BCAT1: variants seen among roughly 807,000 people sequenced by gnomAD.
BCAT1 encodes branched-chain-amino-acid aminotransferase, cytosolic.
A neutral mutation model predicts 52.4 loss-of-function variants in BCAT1; 48 were observed. The observed-to-expected ratio is 0.92, with a 90% CI of 0.73 to 1.16. BCAT1 has a LOEUF of 1.16. Among genes scored for constraint, BCAT1 ranks in the 50% most tolerant of loss-of-function variants. The pLI is 0.00. For missense variants in BCAT1, 451 were observed against 457.1 expected (o/e 0.99, Z 0.12); for synonymous variants, 167 against 161.3 (o/e 1.04, Z -0.27).
intron 5 of BCAT1, among the ~76,000 whole-genome samples, chr12:24,861,326 G>C (rs904546477): frequency 6.6e-6 from 1 of 152,162 alleles, no homozygotes; most frequent in African/African-American, 2.4e-5. Flanking sequence ...CAACTGCCTA[G>C]TTCATGGAAA....
chr12:24,858,369 G>C (rs111500471), intron 5 of BCAT1, among the ~76,000 whole-genome samples: 2 of 151,970 alleles, frequency 1.3e-5, no homozygotes, highest in Admixed American at 6.5e-5. Context: ...ATAATCTTTG[G>C]GAAATAAAGA....
In BCAT1 at chr12:24,837,137, GAAGGAAGGA is replaced by G; in HGVS notation, c.818-550_818-542del. ...AGAAGGAAGGGAGGAAGGGGGGAGG[GAAGGAAGGA>G]AAGTTATCTAATCATCTTCAGTTTA... On this transcript the variant is annotated intron_variant, in intron 7 of 10. Transcript: ENST00000261192. 3.4e-5 allele frequency among the ~76,000 whole-genome samples: 5 copies of G among 145,640 alleles called. 1 individual carries two copies. The highest frequency in any genetic ancestry group is 2.3e-4 in the South Asian group (1 of 4,384).
upstream of BCAT1, chr12:24,949,235 A>C (rs1943985782): frequency 4.1e-6 from 2 of 486,364 alleles, no homozygotes; most frequent in Non-Finnish European, 7.3e-6. Context: ...CAGCGCCCAG[A>C]CCCGAGCCTC....
intron 1 of BCAT1, chr12:24,902,933 C>T (rs1480892307): frequency 6.6e-7 from 1 of 1,511,070 alleles, no homozygotes; most frequent in African/African-American, 1.4e-5. Context: ...CGCAAACGCC[C>T]GGGTTCGAGG....
chr12:24,928,811 C>T (rs943081278), intron 1 of BCAT1, among the ~76,000 whole-genome samples: 2 of 152,010 alleles, frequency 1.3e-5, no homozygotes, highest in African/African-American at 2.4e-5. Flanking sequence ...TCTCAGCTCA[C>T]CACAACCTCT....
rs544053312 is a variant in BCAT1, at chr12:24,895,409, G to A, written c.79-934C>T. Among the ~76,000 whole-genome samples, 391 of 151,866 alleles carry A rather than the reference G, an allele frequency of 2.6e-3. 1 individual carries two copies. Among genetic ancestry groups the A allele is most frequent in the African/African-American group, 9.1e-3 (376 of 41,430 alleles). On this transcript the variant is annotated intron_variant, in intron 2 of 10. Transcript: ENST00000261192. ...GGCGTGGTGGCATGCACCTGTAGTC[G>A]CAGCTACTCAGGAGGCTGAGGCAGG... is the stretch of plus-strand genomic sequence containing the variant.
intron 10 of BCAT1, among the ~76,000 whole-genome samples, chr12:24,825,847 T>G (rs1940373573): frequency 6.6e-6 from 1 of 152,206 alleles, no homozygotes; most frequent in South Asian, 2.1e-4. Flanking sequence ...GTGGAGAAGC[T>G]TTCCAGCTTG....
chr12:24,872,305 A>G (rs973778480), intron 5 of BCAT1, among the ~76,000 whole-genome samples: 20 of 152,200 alleles, frequency 1.3e-4, no homozygotes, highest in African/African-American at 4.6e-4. Context: ...ACCAGAAATG[A>G]AGGAGTGAAT....
At chr12:24,909,621 G>A (rs75479332) in intron 1 of BCAT1, among the ~76,000 whole-genome samples, 8,955 of 152,190 alleles carry the variant, frequency 0.059, 310 homozygotes, top group African/African-American at 0.082. Context: ...TAACCCAGGT[G>A]TTTCTTGGCT....
At chr12:24,864,020 A>G (rs1203555581) in intron 5 of BCAT1, among the ~76,000 whole-genome samples, 2 of 151,770 alleles carry the variant, frequency 1.3e-5, no homozygotes, top group Non-Finnish European at 2.9e-5. Flanking sequence ...GCCTGTTTTT[A>G]TTGCTTTTAT....
At position 24,894,127 on chromosome 12, in the gene BCAT1, T is replaced by C. The variant is rs895743187; in HGVS notation, c.279+148A>G. On this transcript the variant is annotated intron_variant, in intron 3 of 10. Coordinates refer to ENST00000261192, the MANE Select transcript of BCAT1 (RefSeq NM_005504.7). ...AAGATTTATCTTCAATCCAACTGTCTATAGGAAAACTTTTAAAGACATTTT... is the reference window on the plus strand; with the variant it reads ...AAGATTTATCTTCAATCCAACTGTCCATAGGAAAACTTTTAAAGACATTTT... 4.4e-6 allele frequency: 3 copies of C among 677,800 alleles called. No individual in the cohort carries two copies. The Admixed American group carries it at 9.9e-5, about 22-fold the overall frequency. The allele number at this position is 677,800 out of a possible 1,614,324, so 42.0% of individuals were successfully genotyped here. A position where few individuals can be genotyped will look rare whatever the true frequency, so the allele number is the denominator to read the frequency against.
chr12:24,878,571 A>G lies in BCAT1; in HGVS notation c.469T>C (p.Ser157Pro). 6.2e-7 allele frequency: 1 copy of G among 1,612,068 alleles called. No individual in the cohort carries two copies. Among genetic ancestry groups the G allele is most frequent in the Non-Finnish European group, 8.5e-7 (1 of 1,178,478 alleles). The change falls in exon 5 of 11, where the codon TCT (serine) becomes CCT (proline). Residue 157 changes from serine (S) to proline (P), a missense_variant. Transcript: ENST00000261192. The stretch of plus-strand genomic sequence containing the variant: ...GTAGGACGAATATACAGACTAGCAG[A>G]TGTTGAATATGGGACCCATTCTTGA... The part of the protein sequence containing the change: ...LDQEWVPYST[S>P]ASLYIRPTFI...
rs756909167 is a variant in BCAT1 at position 24,894,257 on chromosome 12, T to A, written c.279+18A>T. 6.2e-7 allele frequency: 1 copy of A among 1,611,642 alleles called. No individual in the cohort carries two copies. The highest frequency in any genetic ancestry group is 1.1e-5 in the South Asian group (1 of 90,938). ...TGAAGTGCAAGCATGTCACTCTCTT[T>A]AATTCCCATGTACTTACTTCCACTG... is the stretch of plus-strand genomic sequence containing the variant. On this transcript the variant is annotated intron_variant, in intron 3 of 10. Transcript: ENST00000261192.
At chr12:24,882,725 A>T (rs1432008610) in intron 3 of BCAT1, among the ~76,000 whole-genome samples, 1 of 151,818 alleles carries the variant, frequency 6.6e-6, no homozygotes, top group African/African-American at 2.4e-5. Context: ...CAGCCTCCAG[A>T]GTAGCTGGGA....
rs980261641 is a variant in BCAT1, at chr12:24,866,381, C to T, written c.510+12149G>A. 3.3e-5 allele frequency among the ~76,000 whole-genome samples: 5 copies of T among 152,332 alleles called. No homozygotes were observed. In the South Asian group the frequency reaches 6.2e-4, roughly 19 times the overall value. On this transcript the variant is annotated intron_variant, in intron 5 of 10. Transcript: ENST00000261192. ...TGCCATGCCTGAGCCTCCCGCCCCC[C>T]GCCACCGCTGTGGGATCCTGTGCGG...
At chr12:24,902,690 C>G in intron 1 of BCAT1, 1 of 540,598 alleles carries the variant, frequency 1.8e-6, no homozygotes, top group East Asian at 3.6e-5. Context: ...GTCCTCGCCA[C>G]GCTCCGGAGC....
At chr12:24,892,858 T>C (rs1942880707) in intron 3 of BCAT1, among the ~76,000 whole-genome samples, 1 of 151,838 alleles carries the variant, frequency 6.6e-6, no homozygotes, top group South Asian at 2.1e-4. Flanking sequence ...GTCTGAAAAA[T>C]AAATAAATAA....
chr12:24,894,218 C>T (rs1450774749), intron 3 of BCAT1, 57 bp downstream of exon 3: 6 of 1,547,562 alleles, frequency 3.9e-6, no homozygotes, highest in South Asian at 1.1e-5. Context: ...GGAGAAGCTA[C>T]TTAGTACCCA....
intron 5 of BCAT1, among the ~76,000 whole-genome samples, chr12:24,866,334 G>T (rs1248602551): frequency 6.6e-6 from 1 of 152,228 alleles, no homozygotes; most frequent in Non-Finnish European, 1.5e-5. Flanking sequence ...TCCCTGCAGG[G>T]CAGGGCTCGG....
Sources: gnomAD v4.1 joint callset for allele counts (sites outside exome capture counted in the v4.1 genomes callset) on GRCh38, gnomAD v4.1.1 for gene constraint, MANE v1.5 for transcripts, NCBI Gene and HGNC (gene_info 2026-07-23, HGNC 2026-07-21) for gene names.